Variants in WWC1 observed in about 807,000 individuals in gnomAD.
WWC1 encodes WW and C2 domain containing 1, also known as protein KIBRA.
Under a neutral mutation model 138.4 loss-of-function variants are expected in WWC1, and 55 were observed. The ratio of observed to expected loss-of-function variants is 0.40; its 90% CI spans 0.32 to 0.50. The LOEUF (loss-of-function observed/expected upper bound fraction) is 0.50. Among genes scored for constraint, WWC1 ranks in the 20% least tolerant of loss-of-function variants. The pLI, the probability that WWC1 is intolerant of heterozygous loss-of-function variation, is 0.72. For synonymous variants in WWC1, 524 were observed against 564.9 expected (o/e 0.93, Z 1.03); for missense variants, 1,226 against 1,420.4 (o/e 0.86, Z 2.20).
chr5:168,464,854 G>A lies in WWC1; in HGVS notation c.3042G>A (p.Glu1014=). The change falls in exon 21 of 23, where the codon GAG becomes GAA. Residue 1014 remains glutamate, a synonymous_variant. Transcript: ENST00000265293. The part of the protein sequence containing the change: ...QLTQEISVLK[E]LKEQLEQAKS... ...CCCAGGAGATCTCGGTGCTGAAGGAGCTCAAGGAGCAGCTGGAACAAGCCA... is the reference window on the plus strand; with the variant it reads ...CCCAGGAGATCTCGGTGCTGAAGGAACTCAAGGAGCAGCTGGAACAAGCCA... 6.2e-7 allele frequency: 1 copy of A among 1,614,152 alleles called. No homozygotes were observed. Among genetic ancestry groups the A allele is most frequent in the Non-Finnish European group, 8.5e-7 (1 of 1,179,996 alleles).
chr5:168,366,802 C>CTTTTTTTTTT (rs202012790), intron 1 of WWC1, among the ~76,000 whole-genome samples: 2 of 100,570 alleles, frequency 2.0e-5, no homozygotes, highest in Admixed American at 1.1e-4. Flanking sequence ...CTTTGAAACA[C>CTTTTTTTTTT]TTTTTTTTTT....
intron 1 of WWC1, among the ~76,000 whole-genome samples, chr5:168,356,690 G>T (rs1775449385): frequency 1.3e-5 from 2 of 152,332 alleles, no homozygotes; most frequent in South Asian, 2.1e-4. Flanking sequence ...GAGAGAGCTG[G>T]CTTCTTCATG....
At position 168,423,764 on chromosome 5, in the gene WWC1, C is replaced by T. The variant is rs149414696; in HGVS notation, c.1506C>T (p.His502=). The T allele has an allele frequency of 2.1e-4, 345 of 1,613,814 alleles. No individual in the cohort carries two copies. The highest frequency in any genetic ancestry group is 2.7e-4 in the Non-Finnish European group (323 of 1,179,902). ...FRPSGCITTI[H]EDEVAKTQKA... ...CCTCAGGCTGCATCACCACCATCCA[C>T]GAGGATGAGGTGGCCAAGACCCAGA... The change falls in exon 11 of 23, where the codon CAC becomes CAT. Residue 502 remains histidine (H), a synonymous_variant. Coordinates refer to ENST00000265293, the MANE Select transcript of WWC1 (RefSeq NM_015238.3).
In WWC1 at chr5:168,464,900, C is replaced by A. The variant is rs770666227; in HGVS notation, c.3088C>A (p.Leu1030Met). 6 of 1,614,232 alleles carry A rather than the reference C, an allele frequency of 3.7e-6. No individual in the cohort carries two copies. Among genetic ancestry groups the A allele is most frequent in the Non-Finnish European group, 5.1e-6 (6 of 1,180,038 alleles). The change falls in exon 21 of 23, where the codon CTG (leucine) becomes ATG (methionine). Residue 1030 changes from leucine to methionine, a missense_variant. Transcript: ENST00000265293. ...EQAKSHGEKE[L>M]PQWLREDERF... ...AGCCAAGAGCCACGGGGAGAAGGAG[C>A]TGCCACAGTGGTTGCGTGAGGACGA...
chr5:168,455,483 C>A lies in WWC1; in HGVS notation c.2786C>A (p.Thr929Asn). The A allele has an allele frequency of 6.2e-7, 1 of 1,613,214 alleles. No individual in the cohort carries two copies. Among genetic ancestry groups the A allele is most frequent in the Non-Finnish European group, 8.5e-7 (1 of 1,179,612 alleles). The part of the protein sequence containing the change: ...LRGSTIIRSK[T>N]FSPGPQSQYV... ...GGGAGCACCATCATCCGCTCTAAGA[C>A]CTTCTCCCCAGGACCCCAGAGCCAG... Residue 929 changes from threonine to asparagine, a missense_variant, in exon 19 of 23, where the codon ACC becomes AAC. Thr to Asn is a moderately conservative substitution (Grantham distance 65). Around this residue, in one of 3 missense-constraint regions of WWC1, gnomAD observed 4 missense variants for 19.2 expected, o/e 0.21. Transcript: ENST00000265293.
chr5:168,450,860 T>C (rs1025644023), intron 17 of WWC1, among the ~76,000 whole-genome samples: 2 of 152,142 alleles, frequency 1.3e-5, no homozygotes, highest in Admixed American at 6.5e-5. Context: ...CAAAAACTTA[T>C]GATCTTCGGA....
intron 1 of WWC1, among the ~76,000 whole-genome samples, chr5:168,350,007 A>T (rs1279288606): frequency 6.6e-6 from 1 of 152,178 alleles, no homozygotes; most frequent in African/African-American, 2.4e-5. Flanking sequence ...TTCACCTCCC[A>T]GCTCCAGGTC....
intron 1 of WWC1, among the ~76,000 whole-genome samples, chr5:168,356,931 G>A (rs1775468439): frequency 6.6e-6 from 1 of 152,116 alleles, no homozygotes; most frequent in Admixed American, 6.5e-5. Context: ...CTAGGGCCCT[G>A]GGAGCCCTGT....
At chr5:168,449,107 G>T (rs925981966) in intron 17 of WWC1, among the ~76,000 whole-genome samples, 3 of 152,110 alleles carry the variant, frequency 2.0e-5, no homozygotes, top group Non-Finnish European at 4.4e-5. Flanking sequence ...ACTTCCCACA[G>T]GGATATGCCT....
At chr5:168,436,522 G>C (rs1338321256) in intron 15 of WWC1, among the ~76,000 whole-genome samples, 1 of 152,050 alleles carries the variant, frequency 6.6e-6, no homozygotes, top group African/African-American at 2.4e-5. Context: ...CTCCGCACTC[G>C]CCTCGAATCT....
intron 6 of WWC1, among the ~76,000 whole-genome samples, chr5:168,406,883 A>G (rs1470943912): frequency 3.9e-5 from 6 of 152,156 alleles, no homozygotes; most frequent in Admixed American, 3.9e-4. Flanking sequence ...TGGAGCTTGC[A>G]GTGAGCCGAG....
At chr5:168,402,347 G>C (rs1035106965) in intron 5 of WWC1, among the ~76,000 whole-genome samples, 4 of 152,204 alleles carry the variant, frequency 2.6e-5, no homozygotes, top group Non-Finnish European at 5.9e-5. Flanking sequence ...TCAAATCCCA[G>C]TTCCCTGGGT....
intron 1 of WWC1, among the ~76,000 whole-genome samples, chr5:168,368,389 T>G (rs1195208450): frequency 1.3e-5 from 2 of 152,236 alleles, no homozygotes. Flanking sequence ...TAAAATCACT[T>G]AATTAATCTC....
In WWC1 at chr5:168,471,027, C is replaced by T. The variant is rs78600555; in HGVS notation, c.*2010C>T. 1.3e-5 allele frequency: 2 copies of T among 152,194 alleles called. No individual in the cohort carries two copies. The highest frequency in any genetic ancestry group is 2.9e-5 in the Non-Finnish European group (2 of 68,128). The allele number at this position is 152,194 out of a possible 1,614,324, so 9.4% of individuals were successfully genotyped here. The stretch of plus-strand genomic sequence containing the variant: ...CAGAGACAGGCAAAATGGTGAGGCC[C>T]GCATCCTATTGGTGAGTCACACAGG... On this transcript the variant is annotated 3_prime_UTR_variant, in exon 23 of 23. Coordinates refer to ENST00000265293, the MANE Select transcript of WWC1 (RefSeq NM_015238.3).
chr5:168,301,234 C>CA (rs1770041454), intron 1 of WWC1, among the ~76,000 whole-genome samples: 2 of 152,162 alleles, frequency 1.3e-5, no homozygotes, highest in Non-Finnish European at 2.9e-5. Context: ...TGTTGTTCCA[C>CA]CCAAACATGG....
intron 1 of WWC1, among the ~76,000 whole-genome samples, chr5:168,315,150 A>C (rs1281674874): frequency 6.6e-6 from 1 of 151,630 alleles, no homozygotes; most frequent in Non-Finnish European, 1.5e-5. Context: ...AAAATAAACC[A>C]ATATTCCATC....
chr5:168,467,801 C>T lies in WWC1; in HGVS notation c.3151-39C>T, dbSNP rs764813584. The T allele has an allele frequency of 1.2e-5, 20 of 1,613,218 alleles. No individual in the cohort carries two copies. The East Asian group carries it at 4.5e-4, about 36-fold the overall frequency. ...AGTTCTCCTTGCCCCTTTCTGGAGG[C>T]CCCCTCCACTGACTCAGGGCCTTGC... On this transcript the variant is annotated intron_variant, in intron 21 of 22. Transcript: ENST00000265293.
chr5:168,444,689 G>C lies in WWC1; in HGVS notation c.2525+104G>C. ...GCAACTAAGAGAAGGGTTCCACTGG[G>C]AAGGCTGAGAACCCCTCTCCTCATG... On this transcript the variant is annotated intron_variant, in intron 17 of 22. Coordinates refer to ENST00000265293, the MANE Select transcript of WWC1 (RefSeq NM_015238.3). 4 of 1,249,158 alleles carry C rather than the reference G, an allele frequency of 3.2e-6. No individual in the cohort carries two copies. In the South Asian group the frequency reaches 5.3e-5, roughly 17 times the overall value. 77.4% of individuals were successfully genotyped at this position (1,249,158 alleles called of 1,614,324 possible).
At chr5:168,314,225 G>A (rs1771372480) in intron 1 of WWC1, among the ~76,000 whole-genome samples, 2 of 65,544 alleles carry the variant, frequency 3.1e-5, no homozygotes. Context: ...AGTTTCCCAG[G>A]CAGGGAGTTG....
Sources: allele counts gnomAD v4.1 joint callset (sites outside exome capture counted in the v4.1 genomes callset), GRCh38; gene constraint gnomAD v4.1.1; regional missense constraint gnomAD v4.1.1; transcripts MANE v1.5; gene names NCBI Gene and HGNC (gene_info 2026-07-23, HGNC 2026-07-21).